TRAPPC8: variants seen among roughly 807,000 people sequenced by gnomAD.
TRAPPC8 encodes the protein general sporulation gene 1 homolog.
Under a neutral mutation model 174.3 loss-of-function variants are expected in TRAPPC8, and 54 were observed. The ratio of observed to expected loss-of-function variants is 0.31; its 90% CI spans 0.25 to 0.39. TRAPPC8 has a LOEUF of 0.39. Ranked by LOEUF, TRAPPC8 falls within the 10% of genes least tolerant of loss-of-function variation. The pLI is 1.00. For missense variants in TRAPPC8, 1,531 were observed against 1,699.1 expected, an observed-to-expected ratio of 0.90 and a Z score of 1.74; for synonymous variants, 630 against 579.9, an observed-to-expected ratio of 1.09 and a Z score of -1.24.
At chr18:31,888,532 G>C (rs184123799) in intron 12 of TRAPPC8, among the ~76,000 whole-genome samples, 1 of 152,270 alleles carries the variant, frequency 6.6e-6, no homozygotes, top group Admixed American at 6.5e-5. Context: ...ATCAATGATA[G>C]AATGAATAAA....
In TRAPPC8 at chr18:31,933,040, A is replaced by G. The variant is rs943034591; in HGVS notation, c.158-1517T>C. On this transcript the variant is annotated intron_variant, in intron 1 of 28. Coordinates refer to ENST00000283351, the MANE Select transcript of TRAPPC8 (RefSeq NM_014939.5). ...AAAAAAGCCGGGCGCAGTGGCTCAC[A>G]CCTGTAATCCCAGCACTTTGGGAGG... Among the ~76,000 whole-genome samples, 62 of 142,584 alleles carry G rather than the reference A, an allele frequency of 4.3e-4. 1 individual carries two copies. The highest frequency in any genetic ancestry group is 4.3e-3 in the South Asian group (19 of 4,458). 93.5% of individuals were successfully genotyped at this position (142,584 alleles called of 152,430 possible).
At chr18:31,928,990 G>C (rs2037740643) in intron 2 of TRAPPC8, among the ~76,000 whole-genome samples, 1 of 151,930 alleles carries the variant, frequency 6.6e-6, no homozygotes. Flanking sequence ...AAACCAGCCT[G>C]GCCAACATGA....
At chr18:31,873,668 TTTTA>T in intron 13 of TRAPPC8, 130 bp from the exon 14 acceptor site, 4 of 589,352 alleles carry the variant, frequency 6.8e-6, no homozygotes, top group East Asian at 3.1e-5. Context: ...TAATTACTAG[TTTTA>T]TTTCTCATAT....
intron 14 of TRAPPC8, among the ~76,000 whole-genome samples, chr18:31,872,505 C>T (rs767859269): frequency 1.3e-5 from 2 of 152,116 alleles, no homozygotes; most frequent in South Asian, 2.1e-4. Flanking sequence ...CTGCAACCTC[C>T]GCCTCCTGGG....
rs1315798305 is a variant in TRAPPC8 at position 31,908,862 on chromosome 18, T to C, written c.1014A>G (p.Ala338=). 3 of 1,613,744 alleles carry C rather than the reference T, an allele frequency of 1.9e-6. No individual in the cohort carries two copies. The highest frequency in any genetic ancestry group is 1.1e-5 in the South Asian group (1 of 91,068). ...KKGNTGIIHG[A]CLTLTDHDRI... is the part of the protein sequence containing the mutation. ...TATCATGATCAGTAAGTGTTAAACATGCACCATGAATTATTCCAGTATTTC... is the reference window on the plus strand; with the variant it reads ...TATCATGATCAGTAAGTGTTAAACACGCACCATGAATTATTCCAGTATTTC... The change falls in exon 7 of 29, where the codon GCA becomes GCG. Residue 338 remains alanine, a synonymous_variant. Transcript: ENST00000283351.
chr18:31,850,456 A>G (rs1329137613), intron 24 of TRAPPC8, among the ~76,000 whole-genome samples: 1 of 152,224 alleles, frequency 6.6e-6, no homozygotes, highest in African/African-American at 2.4e-5. Context: ...CAGAATGCAA[A>G]TAGAATTATT....
intron 24 of TRAPPC8, among the ~76,000 whole-genome samples, chr18:31,850,714 T>C (rs1025756847): frequency 2.6e-5 from 4 of 152,222 alleles, no homozygotes; most frequent in African/African-American, 9.6e-5. Flanking sequence ...TGTAAAACAC[T>C]GTCCCCATAG....
At chr18:31,843,502 T>C (rs193000485) in intron 26 of TRAPPC8, among the ~76,000 whole-genome samples, 3 of 152,330 alleles carry the variant, frequency 2.0e-5, no homozygotes, top group Admixed American at 2.0e-4. Flanking sequence ...GACATGCTGA[T>C]TATAGAACTG....
At chr18:31,853,999 T>G in intron 21 of TRAPPC8, 54 bp from the exon 22 acceptor site, 2 of 1,370,282 alleles carry the variant, frequency 1.5e-6, no homozygotes, top group Non-Finnish European at 2.0e-6. Context: ...TAAATCAGAA[T>G]GTTCCGATGA....
chr18:31,899,066 T>C (rs145961368), intron 10 of TRAPPC8, among the ~76,000 whole-genome samples: 6 of 152,346 alleles, frequency 3.9e-5, no homozygotes, highest in African/African-American at 1.2e-4. Flanking sequence ...ACACCTTTTC[T>C]TGGAGGTTAG....
chr18:31,864,797 A>C lies in TRAPPC8; in HGVS notation c.2591-16T>G. 1 of 1,595,940 alleles carries C rather than the reference A, an allele frequency of 6.3e-7. No homozygotes were observed. The highest frequency in any genetic ancestry group is 8.5e-7 in the Non-Finnish European group (1 of 1,172,662). The stretch of plus-strand genomic sequence containing the variant: ...GAATATTTTCCTGAAATAAAAAACA[A>C]TCAATGCCCTAAAATAATTTGGTAT... On this transcript the variant is annotated splice_polypyrimidine_tract_variant and intron_variant, in intron 18 of 28. Coordinates refer to ENST00000283351, the MANE Select transcript of TRAPPC8 (RefSeq NM_014939.5).
intron 12 of TRAPPC8, among the ~76,000 whole-genome samples, chr18:31,889,641 T>C (rs1299809244): frequency 6.6e-6 from 1 of 152,174 alleles, no homozygotes; most frequent in East Asian, 1.9e-4. Context: ...TTTTCTCATG[T>C]TAGAGCCTGA....
intron 1 of TRAPPC8, among the ~76,000 whole-genome samples, chr18:31,936,593 A>G (rs1330486976): frequency 6.6e-6 from 1 of 152,158 alleles, no homozygotes. Flanking sequence ...GATTGATGAA[A>G]TATTTCCAAC....
intron 1 of TRAPPC8, among the ~76,000 whole-genome samples, chr18:31,933,985 C>T (rs1487113041): frequency 6.6e-6 from 1 of 151,924 alleles, no homozygotes; most frequent in African/African-American, 2.4e-5. Context: ...GTCAGGAGTT[C>T]GAGACCAGCC....
chr18:31,920,864 C>T (rs2037354780), intron 2 of TRAPPC8, among the ~76,000 whole-genome samples: 1 of 147,346 alleles, frequency 6.8e-6, no homozygotes, highest in South Asian at 2.2e-4. Context: ...TCGCTTGAAC[C>T]AAGGAGACAG....
rs202037234 is a variant in TRAPPC8, at chr18:31,870,396, C to T, written c.2364G>A (p.Lys788=). The change falls in exon 16 of 29, where the codon AAG becomes AAA. Residue 788 remains lysine (K), a synonymous_variant. Coordinates refer to ENST00000283351, the MANE Select transcript of TRAPPC8 (RefSeq NM_014939.5). ...WKFHPKDFSG[K]DNEEVKQLVT... ...CTAGTTGTTTAACTTCTTCATTATC[C>T]TTTCCACTGAAATCTTTAGGATGAA... The T allele has an allele frequency of 2.0e-4, 321 of 1,611,476 alleles. No individual in the cohort carries two copies. Among genetic ancestry groups the T allele is most frequent in the Non-Finnish European group, 1.1e-4 (133 of 1,178,932 alleles).
chr18:31,893,713 T>C (rs1285394341), intron 11 of TRAPPC8, among the ~76,000 whole-genome samples: 2 of 152,192 alleles, frequency 1.3e-5, no homozygotes, highest in Non-Finnish European at 2.9e-5. Flanking sequence ...TAGGTAATTC[T>C]CCCTAATTAT....
At chr18:31,849,357 C>T (rs1295248719) in intron 25 of TRAPPC8, among the ~76,000 whole-genome samples, 2 of 151,452 alleles carry the variant, frequency 1.3e-5, no homozygotes, top group African/African-American at 4.9e-5. Flanking sequence ...CTCGGTAACA[C>T]ACAGAAATAA....
At chr18:31,919,020 A>G (rs1467785751) in intron 2 of TRAPPC8, among the ~76,000 whole-genome samples, 6 of 152,206 alleles carry the variant, frequency 3.9e-5, no homozygotes, top group Admixed American at 3.9e-4. Flanking sequence ...ATACTATATT[A>G]AACAACTGGA....
Sources: gnomAD v4.1 joint callset for allele counts (sites outside exome capture counted in the v4.1 genomes callset) on GRCh38, gnomAD v4.1.1 for gene constraint, MANE v1.5 for transcripts, NCBI Gene and HGNC (gene_info 2026-07-23, HGNC 2026-07-21) for gene names.